Variants in SVIL observed in about 807,000 individuals in gnomAD.
The protein encoded by SVIL is supervillin, also known as archvillin.
SVIL carries 101 observed loss-of-function variants against 240.4 expected under a neutral mutation model. The observed-to-expected ratio is 0.42, with a 90% CI of 0.36 to 0.50. The LOEUF is 0.50. Ranked by LOEUF, SVIL falls within the 20% of genes least tolerant of loss-of-function variation. The pLI is 0.01. For missense variants in SVIL, 2,512 were observed against 2,818.7 expected (o/e 0.89, Z 2.46); for synonymous variants, 999 against 1,100.0 (o/e 0.91, Z 1.82).
intron 1 of SVIL, among the ~76,000 whole-genome samples, chr10:29,588,048 T>C (rs1447781677): frequency 2.0e-5 from 3 of 152,092 alleles, no homozygotes; most frequent in Non-Finnish European, 4.4e-5. Flanking sequence ...AGCACATTCA[T>C]CATTGCATGA....
intron 1 of SVIL, among the ~76,000 whole-genome samples, chr10:29,597,946 G>A (rs536256692): frequency 1.1e-3 from 172 of 152,186 alleles, no homozygotes; most frequent in African/African-American, 3.5e-3. Flanking sequence ...CCAGCTTTGT[G>A]CCCTTATGTT....
At chr10:29,729,473 GTGTGTGTGTGTGT>G (rs1964480060) in intron 1 of SVIL, among the ~76,000 whole-genome samples, 1 of 149,586 alleles carries the variant, frequency 6.7e-6, no homozygotes, top group Non-Finnish European at 1.5e-5. Context: ...GTGTGTGTGT[GTGTGTGTGTGTGT>G]GTGTGTGTGT....
At chr10:29,495,626 C>T (rs6481605) in intron 18 of SVIL, among the ~76,000 whole-genome samples, 7,328 of 152,184 alleles carry the variant, frequency 0.048, 603 homozygotes, top group African/African-American at 0.17. Flanking sequence ...GACAGTGGCC[C>T]TGGGGACATG....
intron 1 of SVIL, among the ~76,000 whole-genome samples, chr10:29,721,090 C>T (rs6481622): frequency 0.62 from 94,069 of 151,988 alleles, 29,507 homozygotes; most frequent in Non-Finnish European, 0.67. Context: ...TCAAGCAATC[C>T]ACCCGCCTCA....
At chr10:29,731,404 C>A (rs1320159975) in intron 1 of SVIL, among the ~76,000 whole-genome samples, 1 of 152,234 alleles carries the variant, frequency 6.6e-6, no homozygotes, top group Non-Finnish European at 1.5e-5. Context: ...TACCCTCCAG[C>A]TCCAACAAAT....
chr10:29,466,625 A>T (rs1293888846), intron 33 of SVIL, among the ~76,000 whole-genome samples: 1 of 152,222 alleles, frequency 6.6e-6, no homozygotes, highest in Admixed American at 6.5e-5. Context: ...CAGCTGTCAG[A>T]GACTGTCAGG....
intron 2 of SVIL, among the ~76,000 whole-genome samples, chr10:29,684,321 T>C (rs1960890435): frequency 6.6e-6 from 1 of 152,162 alleles, no homozygotes; most frequent in Admixed American, 6.5e-5. Context: ...CAAGAGCTCC[T>C]GAGAACATGT....
Position 29,536,052 on chromosome 10 carries a change from T to C in SVIL, c.845A>G (p.His282Arg). ...EARPSTGKPK[H>R]EWFLQKDSEG... ...GGAATCTTTCTGGAGAAACCACTCA[T>C]GTTTGGGTTTCCCTGTACTATTGTG... is the stretch of plus-strand genomic sequence containing the variant. Residue 282 changes from histidine (H) to arginine (R), a missense_variant, in exon 7 of 38, where the codon CAT becomes CGT. By Grantham distance (29) the His-to-Arg change is conservative (BLOSUM62 0). This residue lies in a region of SVIL where 1,443 missense variants were observed against 1,486.6 expected (regional missense o/e 0.97). Transcript: ENST00000355867. 6 of 1,614,270 alleles carry C rather than the reference T, an allele frequency of 3.7e-6. No individual in the cohort carries two copies. The highest frequency in any genetic ancestry group is 5.1e-6 in the Non-Finnish European group (6 of 1,180,050).
At chr10:29,613,172 C>CAA (rs549906216) in intron 1 of SVIL, among the ~76,000 whole-genome samples, 24 of 53,808 alleles carry the variant, frequency 4.5e-4, no homozygotes, top group African/African-American at 1.1e-3. Flanking sequence ...GACTCCATCT[C>CAA]AAAAAAAAAA....
intron 1 of SVIL, among the ~76,000 whole-genome samples, chr10:29,700,416 A>G (rs1622688): frequency 0.46 from 68,524 of 150,330 alleles, 16,132 homozygotes; most frequent in East Asian, 0.67. Context: ...CACACTGCTC[A>G]GTGACTCCCC....
At chr10:29,516,138 C>T (rs1950184482) in intron 16 of SVIL, among the ~76,000 whole-genome samples, 1 of 152,196 alleles carries the variant, frequency 6.6e-6, no homozygotes, top group South Asian at 2.1e-4. Flanking sequence ...TTAGGAAAGG[C>T]ATAGGATTCT....
At chr10:29,655,881 T>C (rs1006212119) in intron 3 of SVIL, among the ~76,000 whole-genome samples, 10 of 151,400 alleles carry the variant, frequency 6.6e-5, no homozygotes, top group African/African-American at 2.4e-4. Context: ...TGGGTTTTTT[T>C]TTTTTTTTTC....
intron 9 of SVIL, 90 bp from the exon 10 acceptor site, chr10:29,531,378 A>G: frequency 8.0e-7 from 1 of 1,250,902 alleles, no homozygotes; most frequent in Admixed American, 2.0e-5. Flanking sequence ...TAAAAATAAA[A>G]ATGCAATTAA....
intron 1 of SVIL, among the ~76,000 whole-genome samples, chr10:29,630,085 TCTGA>T (rs1340464865): frequency 1.3e-5 from 2 of 152,144 alleles, no homozygotes; most frequent in African/African-American, 4.8e-5. Context: ...TCCCTTCTAC[TCTGA>T]CTGGTAAAAT....
At chr10:29,492,072 G>C (rs889722886) in intron 21 of SVIL, among the ~76,000 whole-genome samples, 1 of 152,076 alleles carries the variant, frequency 6.6e-6, no homozygotes, top group Non-Finnish European at 1.5e-5. Context: ...GCCGTGGGTG[G>C]AGCCTGTCTA....
At chr10:29,473,503 G>T in intron 30 of SVIL, 1 of 317,624 alleles carries the variant, frequency 3.1e-6, no homozygotes. Flanking sequence ...ACTGTGAGAA[G>T]TGGATGATGG....
chr10:29,493,607 A>G (rs1400487966), intron 20 of SVIL, among the ~76,000 whole-genome samples: 1 of 152,096 alleles, frequency 6.6e-6, no homozygotes, highest in East Asian at 1.9e-4. Flanking sequence ...AATGGGAGAG[A>G]GGGAGGCTGA....
At chr10:29,620,023 T>C (rs1957573335) in intron 1 of SVIL, among the ~76,000 whole-genome samples, 3 of 152,186 alleles carry the variant, frequency 2.0e-5, no homozygotes, top group Admixed American at 1.3e-4. Context: ...TCATGAAGCC[T>C]AGAAATCAGA....
chr10:29,495,611 G>A (rs1948375950), intron 18 of SVIL, among the ~76,000 whole-genome samples: 1 of 152,186 alleles, frequency 6.6e-6, no homozygotes, highest in African/African-American at 2.4e-5. Context: ...CTGAGGGGAG[G>A]GAGGGACAGT....
Sources: gnomAD v4.1 joint callset for allele counts (sites outside exome capture counted in the v4.1 genomes callset) on GRCh38, gnomAD v4.1.1 for gene constraint, gnomAD v4.1.1 regional missense constraint, MANE v1.5 for transcripts, NCBI Gene and HGNC (gene_info 2026-07-23, HGNC 2026-07-21) for gene names.